The following C1orf87 variants were observed in gnomAD, a reference collection of about 807,000 sequenced individuals.
C1orf87 encodes chromosome 1 open reading frame 87, also known as uncharacterized protein C1orf87.
C1orf87 carries 58 observed loss-of-function variants against 60.5 expected under a neutral mutation model. The observed-to-expected ratio is 0.96, with a 90% CI of 0.78 to 1.19. C1orf87 has a LOEUF of 1.19. C1orf87 is among the 50% of genes most tolerant of loss of function. C1orf87 has a pLI of 0.00. For synonymous variants in C1orf87, 236 were observed against 227.4 expected (o/e 1.04, Z -0.34); for missense variants, 673 against 638.6 (o/e 1.05, Z -0.58).
chr1:60,062,127 G>A (rs922574749), intron 2 of C1orf87, among the ~76,000 whole-genome samples: 2 of 152,060 alleles, frequency 1.3e-5, no homozygotes, highest in Admixed American at 6.6e-5. Context: ...ATTTAGTTTC[G>A]GTAACATTCC....
intron 2 of C1orf87, among the ~76,000 whole-genome samples, chr1:60,065,286 A>T (rs1645538035): frequency 6.6e-6 from 1 of 151,254 alleles, no homozygotes; most frequent in Non-Finnish European, 1.5e-5. Context: ...TGAGCAGGGG[A>T]GGGAAGAAGA....
At chr1:60,000,189 C>T (rs1023616300) in intron 10 of C1orf87, among the ~76,000 whole-genome samples, 2 of 152,122 alleles carry the variant, frequency 1.3e-5, no homozygotes, top group Non-Finnish European at 1.5e-5. Flanking sequence ...AGGAAACTTG[C>T]TTTACCAGAC....
At chr1:60,070,162 A>G (rs1473212149) in intron 2 of C1orf87, among the ~76,000 whole-genome samples, 1 of 152,180 alleles carries the variant, frequency 6.6e-6, no homozygotes, top group Non-Finnish European at 1.5e-5. Context: ...GTACACTATT[A>G]CAGCAGCCCT....
intron 2 of C1orf87, among the ~76,000 whole-genome samples, chr1:60,056,898 T>C (rs1025701837): frequency 2.0e-5 from 3 of 152,230 alleles, no homozygotes; most frequent in Non-Finnish European, 4.4e-5. Flanking sequence ...TATCTAAATA[T>C]AACATCCATT....
chr1:60,060,087 T>C (rs1645484685), intron 2 of C1orf87, among the ~76,000 whole-genome samples: 1 of 124,568 alleles, frequency 8.0e-6, no homozygotes, highest in Non-Finnish European at 1.8e-5. Context: ...TTTGTTTCTT[T>C]TTCTTTTTTT....
intron 7 of C1orf87, among the ~76,000 whole-genome samples, chr1:60,027,117 A>G (rs970224099): frequency 6.6e-6 from 1 of 152,212 alleles, no homozygotes; most frequent in Admixed American, 6.5e-5. Flanking sequence ...AGCTCAGTCT[A>G]GTGCCTGTAT....
intron 11 of C1orf87, among the ~76,000 whole-genome samples, chr1:59,991,084 A>G (rs1644918892): frequency 6.6e-6 from 1 of 152,238 alleles, no homozygotes; most frequent in Admixed American, 6.5e-5. Context: ...AGATCCATAG[A>G]TAAATTCTAA....
rs116358230 is a variant in C1orf87 at position 60,015,650 on chromosome 1, G to A, written c.1128-5194C>T. Among the ~76,000 whole-genome samples the A allele has an allele frequency of 5.9e-3, 905 of 152,194 alleles. 10 individuals are homozygous for A. Among genetic ancestry groups the A allele is most frequent in the African/African-American group, 0.02 (845 of 41,514 alleles). On this transcript the variant is annotated intron_variant, in intron 8 of 11. Coordinates refer to ENST00000371201, the MANE Select transcript of C1orf87 (RefSeq NM_152377.3). Reference sequence around the variant, plus strand: ...CTTTCCTCTGTGCACCTACATCCCTGGTGTCTTTTTGTGTGTCCAAATGCC... The same window carrying A: ...CTTTCCTCTGTGCACCTACATCCCTAGTGTCTTTTTGTGTGTCCAAATGCC...
chr1:60,062,852 C>A (rs897821757), intron 2 of C1orf87, among the ~76,000 whole-genome samples: 1 of 152,092 alleles, frequency 6.6e-6, no homozygotes, highest in African/African-American at 2.4e-5. Flanking sequence ...TATTTGGGAT[C>A]AACGGACACT....
At chr1:60,059,383 G>A (rs1033905428) in intron 2 of C1orf87, among the ~76,000 whole-genome samples, 3 of 152,218 alleles carry the variant, frequency 2.0e-5, no homozygotes, top group Non-Finnish European at 4.4e-5. Context: ...GTGCCGTGAA[G>A]AGTTTAGTGT....
intron 11 of C1orf87, among the ~76,000 whole-genome samples, chr1:59,995,056 G>A (rs1046912779): frequency 1.3e-5 from 2 of 152,174 alleles, no homozygotes; most frequent in African/African-American, 4.8e-5. Context: ...AAATAGTGAA[G>A]AGGCCATGAG....
intron 4 of C1orf87, 37 bp from the exon 5 acceptor site, chr1:60,040,217 C>G (rs372664696): frequency 6.3e-7 from 1 of 1,580,862 alleles, no homozygotes; most frequent in Non-Finnish European, 8.6e-7. Flanking sequence ...CAAGACTCTT[C>G]AATCAGCCGG....
chr1:60,028,018 A>T (rs895927860), intron 7 of C1orf87, among the ~76,000 whole-genome samples: 1 of 152,132 alleles, frequency 6.6e-6, no homozygotes, highest in Admixed American at 6.5e-5. Flanking sequence ...AGTATTGAAA[A>T]ATAAAGGATC....
At chr1:60,029,405 A>G (rs1645221148) in intron 7 of C1orf87, among the ~76,000 whole-genome samples, 2 of 152,040 alleles carry the variant, frequency 1.3e-5, no homozygotes, top group Non-Finnish European at 2.9e-5. Context: ...TCCCATTTGA[A>G]TCTGATCATA....
chr1:60,001,626 A>C (rs1401375721), intron 9 of C1orf87, among the ~76,000 whole-genome samples: 1 of 152,006 alleles, frequency 6.6e-6, no homozygotes, highest in Non-Finnish European at 1.5e-5. Context: ...AGAAAAGCAG[A>C]GACAACAACC....
intron 3 of C1orf87, among the ~76,000 whole-genome samples, chr1:60,041,550 A>G (rs576417371): frequency 6.6e-6 from 1 of 152,348 alleles, no homozygotes; most frequent in South Asian, 2.1e-4. Flanking sequence ...AAAAGCTCAG[A>G]ATATTATACT....
chr1:60,032,995 GT>G (rs1645249915), intron 7 of C1orf87, among the ~76,000 whole-genome samples: 2 of 152,100 alleles, frequency 1.3e-5, no homozygotes, highest in Admixed American at 6.5e-5. Flanking sequence ...AGTTCCATGA[GT>G]TTTTATGGTT....
chr1:60,013,680 CTT>C (rs1174843807), intron 8 of C1orf87, among the ~76,000 whole-genome samples: 15 of 137,232 alleles, frequency 1.1e-4, no homozygotes, highest in Admixed American at 1.5e-4. Context: ...TGTATATTTG[CTT>C]TTTTTTTTTT....
In C1orf87 at chr1:60,004,241, C is replaced by A. The variant is rs537675619; in HGVS notation, c.1193-3085G>T. 8.0e-4 allele frequency among the ~76,000 whole-genome samples: 121 copies of A among 151,984 alleles called. 1 individual carries two copies. The Middle Eastern group carries it at 0.01, about 13-fold the overall frequency. ...AGCTTCAAGCTTTTGGATCTTAATTCTTTCATTTGTGAAATTACAGAAATT... is the reference window on the plus strand; with the variant it reads ...AGCTTCAAGCTTTTGGATCTTAATTATTTCATTTGTGAAATTACAGAAATT... On this transcript the variant is annotated intron_variant, in intron 9 of 11. Transcript: ENST00000371201.
Sources: gnomAD v4.1 joint callset for allele counts (sites outside exome capture counted in the v4.1 genomes callset) on GRCh38, gnomAD v4.1.1 for gene constraint, MANE v1.5 for transcripts, NCBI Gene and HGNC (gene_info 2026-07-23, HGNC 2026-07-21) for gene names.